The following HIP1R variants were observed in gnomAD, a reference collection of about 807,000 sequenced individuals.
The protein encoded by HIP1R is huntingtin-interacting protein 1-related protein.
HIP1R carries 135 observed loss-of-function variants against 144.2 expected under a neutral mutation model. The observed-to-expected ratio is 0.94, with a 90% CI of 0.81 to 1.08. The LOEUF (loss-of-function observed/expected upper bound fraction) is 1.08, where lower values mean the gene tolerates loss of function less well. HIP1R is among the 50% of genes least tolerant of loss of function. The pLI is 0.00. For synonymous variants in HIP1R, 698 were observed against 612.8 expected (o/e 1.14, Z -2.05); for missense variants, 1,462 against 1,432.8 (o/e 1.02, Z -0.33).
chr12:122,861,051 A>G lies in HIP1R; in HGVS notation c.2890+12A>G. On this transcript the variant is annotated intron_variant, in intron 29 of 31. Transcript: ENST00000253083. The stretch of plus-strand genomic sequence containing the variant: ...GATTGAGGACAGAGGTGAGTGCCAG[A>G]TGCCAACGGGGGCTGCTGGCTCCCG... The G allele has an allele frequency of 6.2e-7, 1 of 1,613,654 alleles. No homozygotes were observed. Among genetic ancestry groups the G allele is most frequent in the Non-Finnish European group, 8.5e-7 (1 of 1,179,996 alleles).
chr12:122,855,380 C>G lies in HIP1R; in HGVS notation c.968C>G (p.Thr323Arg), dbSNP rs1207691943. 12 of 1,582,870 alleles carry G rather than the reference C, an allele frequency of 7.6e-6. No individual in the cohort carries two copies. The highest frequency in any genetic ancestry group is 1.0e-5 in the Non-Finnish European group (12 of 1,165,988). The change falls in exon 11 of 32, where the codon ACA (threonine) becomes AGA (arginine). Residue 323 changes from threonine (T) to arginine (R), a missense_variant. Thr to Arg is a moderately conservative substitution (Grantham distance 71). Transcript: ENST00000253083. ...CCGGAGAATCTCATTGAGATCAGCA[C>G]AGGGCCCCCCGCGGGGGAGCCAGTG... Reference protein sequence around the residue: ...EEPENLIEISTGPPAGEPVVV... With the variant: ...EEPENLIEISRGPPAGEPVVV...
intron 7 of HIP1R, among the ~76,000 whole-genome samples, chr12:122,851,679 G>A (rs1303808928): frequency 8.4e-5 from 6 of 71,154 alleles, no homozygotes; most frequent in South Asian, 4.6e-4. Context: ...GTGAGTCTCC[G>A]TCTTAAAAAA....
At chr12:122,861,260 A>G in intron 30 of HIP1R, 48 bp from the exon 31 acceptor site, 1 of 1,612,784 alleles carries the variant, frequency 6.2e-7, no homozygotes, top group Non-Finnish European at 8.5e-7. Flanking sequence ...CCCAGGAGAG[A>G]GCTCCCTGGG....
At position 122,848,466 on chromosome 12, in the gene HIP1R, G is replaced by T. The variant is rs762888296; in HGVS notation, c.158G>T (p.Arg53Leu). 3 of 1,609,874 alleles carry T rather than the reference G, an allele frequency of 1.9e-6. No individual in the cohort carries two copies. In the African/African-American group the frequency reaches 4.0e-5, roughly 21 times the overall value. ...EAPVKEKHAR[R>L]IILGTHHEKG... The stretch of plus-strand genomic sequence containing the variant: ...TCCACACTTGGCCTTGACATTGCAG[G>T]CATCATTCTGGGCACACACCACGAG... Residue 53 changes from arginine (R) to leucine (L), a missense_variant and splice_region_variant, in exon 3 of 32, where the codon CGC becomes CTC. Arg to Leu is a moderately radical substitution (Grantham distance 102). Around this residue, in one of 2 missense-constraint regions of HIP1R, gnomAD observed 350 missense variants for 421.1 expected, o/e 0.83. Coordinates refer to ENST00000253083, the MANE Select transcript of HIP1R (RefSeq NM_003959.3).
chr12:122,846,844 G>T (rs2033224533), intron 1 of HIP1R, among the ~76,000 whole-genome samples: 2 of 152,252 alleles, frequency 1.3e-5, no homozygotes, highest in African/African-American at 4.8e-5. Flanking sequence ...AGCTTCCCGG[G>T]CTGGCTTTTC....
At position 122,851,276 on chromosome 12, in the gene HIP1R, G is replaced by A. The variant is rs777793133; in HGVS notation, c.556G>A (p.Glu186Lys). Reference sequence around the variant, plus strand: ...GGAGATGTTTGATTACATGGATTGTGAGCTGAAGCTTTCTGAATCAGGTGA... The same window carrying A: ...GGAGATGTTTGATTACATGGATTGTAAGCTGAAGCTTTCTGAATCAGGTGA... ...TVEMFDYMDC[E>K]LKLSESVFRQ... Residue 186 changes from glutamate (E) to lysine (K), a missense_variant, in exon 7 of 32, where the codon GAG becomes AAG. Transcript: ENST00000253083. The A allele has an allele frequency of 6.4e-7, 1 of 1,555,542 alleles. No homozygotes were observed. The highest frequency in any genetic ancestry group is 8.6e-7 in the Non-Finnish European group (1 of 1,158,364).
At chr12:122,852,841 G>T (rs975030504) in intron 7 of HIP1R, among the ~76,000 whole-genome samples, 1 of 152,198 alleles carries the variant, frequency 6.6e-6, no homozygotes, top group Non-Finnish European at 1.5e-5. Context: ...ACGTGTTGAA[G>T]ATCCAAGCAG....
chr12:122,848,647 G>A, intron 3 of HIP1R, 39 bp downstream of exon 3: 1 of 1,598,316 alleles, frequency 6.3e-7, no homozygotes, highest in Non-Finnish European at 8.5e-7. Context: ...CGGAGCTGGG[G>A]CACTGTCCCG....
intron 23 of HIP1R, 108 bp from the exon 24 acceptor site, chr12:122,859,664 T>C: frequency 7.0e-7 from 1 of 1,422,478 alleles, no homozygotes; most frequent in Non-Finnish European, 9.8e-7. Context: ...GATGGCGTTT[T>C]CCAGGGGCCT....
chr12:122,841,732 G>A (rs1464385023), intron 1 of HIP1R, among the ~76,000 whole-genome samples: 1 of 152,144 alleles, frequency 6.6e-6, no homozygotes, highest in East Asian at 1.9e-4. Flanking sequence ...GAAACTGCAC[G>A]ACCTGGCTGC....
rs777096982 is a variant in HIP1R, at chr12:122,850,859, G to C, written c.463G>C (p.Glu155Gln). 7 of 1,610,742 alleles carry C rather than the reference G, an allele frequency of 4.3e-6. No individual in the cohort carries two copies. In the South Asian group the frequency reaches 5.5e-5, roughly 13 times the overall value. ...GCATCCCCAGTTTCCCGCGGGCCTG[G>C]AGGTGACAGATGAGGTACTGGAGAA... ...LKHPQFPAGL[E>Q]VTDEVLEKAA... The change falls in exon 6 of 32, where the codon GAG (glutamate) becomes CAG (glutamine). Residue 155 changes from glutamate to glutamine, a missense_variant. By Grantham distance (29) the Glu-to-Gln change is conservative. This residue lies in a region of HIP1R where 350 missense variants were observed against 421.1 expected (regional missense o/e 0.83). Transcript: ENST00000253083.
At chr12:122,859,259 C>A in intron 22 of HIP1R, 62 bp downstream of exon 22, 1 of 1,533,032 alleles carries the variant, frequency 6.5e-7, no homozygotes, top group Non-Finnish European at 8.8e-7. Context: ...CTGCACCCAC[C>A]TCTGGGTTGG....
chr12:122,860,396 C>CT, intron 26 of HIP1R, 27 bp from the exon 27 acceptor site: 1 of 1,610,288 alleles, frequency 6.2e-7, no homozygotes, highest in Non-Finnish European at 8.5e-7. Context: ...ACTGGCATGT[C>CT]CTGCCCTGTT....
Position 122,848,535 on chromosome 12 carries a change from T to C in HIP1R, c.227T>C (p.Leu76Pro), listed in dbSNP as rs780986425. 1 of 1,613,296 alleles carries C rather than the reference T, an allele frequency of 6.2e-7. No individual in the cohort carries two copies. Among genetic ancestry groups the C allele is most frequent in the Non-Finnish European group, 8.5e-7 (1 of 1,179,954 alleles). Residue 76 changes from leucine to proline, a missense_variant, in exon 3 of 32, where the codon CTG becomes CCG. By Grantham distance (98) the Leu-to-Pro change is moderately conservative (BLOSUM62 -3). Coordinates refer to ENST00000253083, the MANE Select transcript of HIP1R (RefSeq NM_003959.3). ...TFWSYAIGLP[L>P]PSSSILSWKF... ...TGGTCCTACGCCATTGGGCTGCCGC[T>C]GCCCAGCAGCTCCATTCTCAGCTGG...
chr12:122,838,618 A>C (rs1252031462), intron 1 of HIP1R, among the ~76,000 whole-genome samples: 1 of 152,202 alleles, frequency 6.6e-6, no homozygotes, highest in Non-Finnish European at 1.5e-5. Flanking sequence ...TGTAAGAGAG[A>C]GACCGTGTGG....
In HIP1R at chr12:122,856,123, G is replaced by A. The variant is rs755254005; in HGVS notation, c.1272G>A (p.Leu424=). 2.5e-6 allele frequency: 4 copies of A among 1,590,338 alleles called. No homozygotes were observed. The South Asian group carries it at 4.5e-5, about 18-fold the overall frequency. ...TGGCCCAGCTGAGGGCTGCCCAGCT[G>A]GAGGGCGAGCGGAGCCAGGGCCTGC... The part of the protein sequence containing the change: ...HELAQLRAAQ[L]EGERSQGLRE... The change falls in exon 14 of 32, where the codon CTG becomes CTA. Residue 424 remains leucine (L), a synonymous_variant. Transcript: ENST00000253083.
intron 2 of HIP1R, 82 bp from the exon 3 acceptor site, chr12:122,848,384 G>C: frequency 1.3e-6 from 2 of 1,512,758 alleles, no homozygotes; most frequent in Non-Finnish European, 1.8e-6. Flanking sequence ...GCCCTCTTCC[G>C]GCGGCCCTGG....
Position 122,858,426 on chromosome 12 carries a change from T to A in HIP1R, c.2041T>A (p.Ser681Thr), listed in dbSNP as rs1555263551. 5.6e-6 allele frequency: 9 copies of A among 1,605,240 alleles called. No homozygotes were observed. The East Asian group carries it at 1.1e-4, about 20-fold the overall frequency. Residue 681 changes from serine (S) to threonine (T), a missense_variant, in exon 20 of 32, where the codon TCC becomes ACC. By Grantham distance (58) the Ser-to-Thr change is moderately conservative (BLOSUM62 1). Around this residue, in one of 2 missense-constraint regions of HIP1R, gnomAD observed 1,112 missense variants for 1,011.7 expected, o/e 1.10. Coordinates refer to ENST00000253083, the MANE Select transcript of HIP1R (RefSeq NM_003959.3). ...GGAGGGCCACGCCCAGTACCTGACC[T>A]CCTTGGCAGGTGAGTGTAGCCAGGG... ...LEEGHAQYLT[S>T]LADASALVAA... is the part of the protein sequence containing the mutation.
chr12:122,837,759 A>G (rs1010938231), intron 1 of HIP1R, among the ~76,000 whole-genome samples: 4 of 152,186 alleles, frequency 2.6e-5, no homozygotes, highest in African/African-American at 9.7e-5. Context: ...GTTTGAGTTC[A>G]TTGTCTGGGT....
Sources: allele counts gnomAD v4.1 joint callset (sites outside exome capture counted in the v4.1 genomes callset), GRCh38; gene constraint gnomAD v4.1.1; regional missense constraint gnomAD v4.1.1; transcripts MANE v1.5; gene names NCBI Gene and HGNC (gene_info 2026-07-23, HGNC 2026-07-21).